Variants in GABPA observed in about 807,000 individuals in gnomAD.
GABPA encodes GA-binding protein alpha chain.
GABPA carries 4 observed loss-of-function variants against 59.4 expected under a neutral mutation model. That is an observed-to-expected ratio of 0.07 (90% confidence interval 0.03 to 0.15). The LOEUF (loss-of-function observed/expected upper bound fraction) is 0.15, where lower values mean the gene tolerates loss of function less well. Ranked by LOEUF, GABPA falls within the 10% of genes least tolerant of loss-of-function variation. The probability of loss-of-function intolerance (pLI) is 1.00; values close to 1 mark genes in which losing one functional copy is unlikely to be tolerated. For missense variants in GABPA, 251 were observed against 543.8 expected (o/e 0.46, Z 5.36); for synonymous variants, 164 against 183.1 (o/e 0.90, Z 0.84).
intron 9 of GABPA, among the ~76,000 whole-genome samples, chr21:25,766,158 G>A (rs1427699976): frequency 3.9e-5 from 6 of 151,932 alleles, no homozygotes; most frequent in African/African-American, 1.4e-4. Flanking sequence ...TGGCAGTGGG[G>A]AGAAAACATA....
At chr21:25,736,489 C>T (rs2035066584) in intron 1 of GABPA, among the ~76,000 whole-genome samples, 1 of 152,130 alleles carries the variant, frequency 6.6e-6, no homozygotes, top group Non-Finnish European at 1.5e-5. Context: ...CCAGGCTTTC[C>T]AAGCTTCTTT....
At chr21:25,747,576 G>T (rs1254991938) in intron 3 of GABPA, among the ~76,000 whole-genome samples, 3 of 152,184 alleles carry the variant, frequency 2.0e-5, no homozygotes, top group African/African-American at 7.2e-5. Context: ...ATACATTTCA[G>T]TCAGAAGTCT....
intron 3 of GABPA, among the ~76,000 whole-genome samples, chr21:25,746,505 A>G (rs1446933425): frequency 6.6e-6 from 1 of 152,174 alleles, no homozygotes; most frequent in African/African-American, 2.4e-5. Flanking sequence ...TTTTAATAAG[A>G]TATTGTTGTA....
chr21:25,739,079 T>G (rs1325947821), intron 1 of GABPA, among the ~76,000 whole-genome samples: 2 of 152,258 alleles, frequency 1.3e-5, no homozygotes, highest in East Asian at 1.9e-4. Flanking sequence ...CTGCTCCATA[T>G]GCATGCGTCC....
chr21:25,759,897 C>T (rs2035725746), intron 6 of GABPA, among the ~76,000 whole-genome samples: 1 of 152,178 alleles, frequency 6.6e-6, no homozygotes, highest in African/African-American at 2.4e-5. Context: ...TTTTTCCAGT[C>T]TTTCCCAGGT....
chr21:25,762,512 G>C, intron 7 of GABPA, 147 bp downstream of exon 7: 2 of 562,972 alleles, frequency 3.6e-6, no homozygotes, highest in Non-Finnish European at 6.3e-6. Flanking sequence ...CTCGACACAA[G>C]TACTTTATAA....
chr21:25,763,832 T>G (rs946299941), intron 7 of GABPA, among the ~76,000 whole-genome samples: 2 of 152,140 alleles, frequency 1.3e-5, no homozygotes, highest in African/African-American at 4.8e-5. Flanking sequence ...TATTGCCAGA[T>G]TCTCAAAGTG....
chr21:25,752,244 T>A lies in GABPA; in HGVS notation c.553+10T>A. 6.2e-7 allele frequency: 1 copy of A among 1,612,866 alleles called. No individual in the cohort carries two copies. Among genetic ancestry groups the A allele is most frequent in the East Asian group, 2.2e-5 (1 of 44,842 alleles). On this transcript the variant is annotated intron_variant, in intron 5 of 9. Transcript: ENST00000400075. ...CTTGGGATACCCTATGGTAATAAAA[T>A]GCATAATTCTATATTGGGTAGAATA... is the stretch of plus-strand genomic sequence containing the variant.
chr21:25,760,210 A>G (rs1036529120), intron 6 of GABPA, among the ~76,000 whole-genome samples: 3 of 152,208 alleles, frequency 2.0e-5, no homozygotes, highest in Non-Finnish European at 4.4e-5. Flanking sequence ...TGCTCAGTTC[A>G]GAATTGGGAG....
chr21:25,740,953 T>C (rs1363013733), intron 1 of GABPA, among the ~76,000 whole-genome samples: 5 of 152,230 alleles, frequency 3.3e-5, no homozygotes, highest in African/African-American at 1.2e-4. Context: ...GAATCTGTTA[T>C]TGAGACTGAG....
rs1601111472 is a variant in GABPA, at chr21:25,741,748, A to G, written c.77+73A>G. The G allele has an allele frequency of 4.8e-5, 45 of 942,028 alleles. 1 individual carries two copies. In the East Asian group the frequency reaches 1.2e-3, roughly 24 times the overall value. The allele number at this position is 942,028 out of a possible 1,614,324, so 58.4% of individuals were successfully genotyped here. A position where few individuals can be genotyped will look rare whatever the true frequency, so the allele number is the denominator to read the frequency against. On this transcript the variant is annotated intron_variant, in intron 2 of 9. Coordinates refer to ENST00000400075, the MANE Select transcript of GABPA (RefSeq NM_002040.4). ...TAATTAAAACCAGGAAACAAGTCAT[A>G]GTTCTTTTGGACTGTCTTTTTTTAA...
intron 9 of GABPA, among the ~76,000 whole-genome samples, chr21:25,767,877 A>C (rs2035929844): frequency 6.6e-6 from 1 of 152,132 alleles, no homozygotes; most frequent in South Asian, 2.1e-4. Context: ...AATTTCCTGT[A>C]TATAGGTCAG....
rs926503867 is a variant in GABPA, at chr21:25,751,975, T to TA, written c.308-13dup. On this transcript the variant is annotated splice_polypyrimidine_tract_variant and intron_variant, in intron 4 of 9. Transcript: ENST00000400075. ...TTCATTTAGATTTACAATTTTTTTT[T>TA]ATCCACTGTTCAGGAATTGAACCAA... The TA allele has an allele frequency of 4.4e-6, 7 of 1,603,220 alleles. No individual in the cohort carries two copies. The African/African-American group carries it at 9.4e-5, about 22-fold the overall frequency.
At chr21:25,743,750 G>A (rs1290174907) in intron 2 of GABPA, among the ~76,000 whole-genome samples, 1 of 151,822 alleles carries the variant, frequency 6.6e-6, no homozygotes, top group African/African-American at 2.4e-5. Context: ...AAGAGTAATT[G>A]TTACAAAAAA....
chr21:25,737,196 A>G (rs1414879646), intron 1 of GABPA, among the ~76,000 whole-genome samples: 2 of 152,256 alleles, frequency 1.3e-5, no homozygotes, highest in African/African-American at 4.8e-5. Flanking sequence ...GTCAAAGTAT[A>G]TGAAATTGTT....
intron 1 of GABPA, among the ~76,000 whole-genome samples, chr21:25,740,731 T>A (rs1377308536): frequency 6.6e-6 from 1 of 152,218 alleles, no homozygotes; most frequent in Non-Finnish European, 1.5e-5. Flanking sequence ...CTGTGTGTAA[T>A]CAGGGAAATA....
intron 5 of GABPA, among the ~76,000 whole-genome samples, chr21:25,756,426 C>T (rs2035638671): frequency 6.6e-6 from 1 of 152,194 alleles, no homozygotes; most frequent in Non-Finnish European, 1.5e-5. Context: ...CTGCCAGTTT[C>T]TCCTTACTGT....
intron 1 of GABPA, among the ~76,000 whole-genome samples, chr21:25,735,922 T>C (rs1481236357): frequency 6.6e-6 from 1 of 152,166 alleles, no homozygotes; most frequent in Admixed American, 6.5e-5. Context: ...AGTCTCAGCC[T>C]GCTCAGCTGG....
At chr21:25,766,447 G>T (rs1436536404) in intron 9 of GABPA, among the ~76,000 whole-genome samples, 2 of 152,092 alleles carry the variant, frequency 1.3e-5, no homozygotes, top group Middle Eastern at 3.4e-3. Context: ...TTCGTTGAAA[G>T]CCTTATTAAG....
Sources: gnomAD v4.1 joint callset for allele counts (sites outside exome capture counted in the v4.1 genomes callset) on GRCh38, gnomAD v4.1.1 for gene constraint, MANE v1.5 for transcripts, NCBI Gene and HGNC (gene_info 2026-07-23, HGNC 2026-07-21) for gene names.